Variants in CFAP20DC observed in about 807,000 individuals in gnomAD.
CFAP20DC encodes the protein CFAP20 domain containing.
CFAP20DC carries 84 observed loss-of-function variants against 101.7 expected under a neutral mutation model. The observed-to-expected ratio is 0.83, with a 90% confidence interval of 0.69 to 0.99. The LOEUF (loss-of-function observed/expected upper bound fraction) is 0.99, where lower values mean the gene tolerates loss of function less well. Ranked by LOEUF, CFAP20DC falls within the 50% of genes least tolerant of loss-of-function variation. CFAP20DC has a pLI of 0.00. For synonymous variants in CFAP20DC, 359 were observed against 351.2 expected (o/e 1.02, Z -0.25); for missense variants, 1,007 against 970.3 (o/e 1.04, Z -0.50).
At chr3:58,881,279 T>C (rs1176170732) in intron 7 of CFAP20DC, among the ~76,000 whole-genome samples, 1 of 152,134 alleles carries the variant, frequency 6.6e-6, no homozygotes, top group Non-Finnish European at 1.5e-5. Context: ...CTTGTAATTT[T>C]TAAGTAAGTT....
At position 58,937,679 on chromosome 3, in the gene CFAP20DC, T is replaced by G. The variant is rs779231705; in HGVS notation, c.362A>C (p.Lys121Thr). Residue 121 changes from lysine to threonine, a missense_variant, in exon 5 of 17, where the codon AAA becomes ACA. Physicochemically the swap from Lys to Thr is moderately conservative, Grantham distance 78. Coordinates refer to ENST00000482387, the MANE Select transcript of CFAP20DC (RefSeq NM_001394063.1). The stretch of plus-strand genomic sequence containing the variant: ...ACGTTTGATCATGAAGAGTGGAATT[T>G]TTGCATGAAGAGGGGTGGAGGATAG... ...KELSSTPLHA[K>T]IPLFMIKRKI... is the part of the protein sequence containing the mutation. The G allele has an allele frequency of 6.2e-7, 1 of 1,611,410 alleles. No homozygotes were observed. The highest frequency in any genetic ancestry group is 8.5e-7 in the Non-Finnish European group (1 of 1,177,610).
At chr3:58,936,402 G>T (rs78141102) in intron 5 of CFAP20DC, among the ~76,000 whole-genome samples, 1 of 152,174 alleles carries the variant, frequency 6.6e-6, no homozygotes, top group Non-Finnish European at 1.5e-5. Flanking sequence ...AATACCATTT[G>T]ACCCAGCCAT....
Position 58,759,940 on chromosome 3 carries a change from T to C in CFAP20DC, c.2238-6077A>G, listed in dbSNP as rs1031331483. ...CCATGCTGTTTTGGTTACTGTAGCC[T>C]TGTAGTATAGTTTGAAGTCAGGTAG... On this transcript the variant is annotated intron_variant, in intron 15 of 16. Coordinates refer to ENST00000482387, the MANE Select transcript of CFAP20DC (RefSeq NM_001394063.1). 2.0e-5 allele frequency among the ~76,000 whole-genome samples: 3 copies of C among 152,336 alleles called. No homozygotes were observed. The East Asian group carries it at 5.8e-4, about 29-fold the overall frequency.
chr3:58,862,798 A>T (rs1468654430), intron 12 of CFAP20DC: 26 of 984,110 alleles, frequency 2.6e-5, no homozygotes, highest in Non-Finnish European at 3.1e-5. Flanking sequence ...TTTAGAATAA[A>T]TTTTTCCAGA....
rs2093476702 is a variant in CFAP20DC at position 59,007,926 on chromosome 3, G to A, written c.278+31631C>T. On this transcript the variant is annotated intron_variant, in intron 4 of 16. Coordinates refer to ENST00000482387, the MANE Select transcript of CFAP20DC (RefSeq NM_001394063.1). The surrounding 1 kb of genome is among the most constrained non-coding windows in gnomAD (Gnocchi z 4.4). Reference sequence around the variant, plus strand: ...AGTTTCTCATAGCAGAGAAACAATTGCAATGTGGGGAGCAATAGGGAAAAT... The same window carrying A: ...AGTTTCTCATAGCAGAGAAACAATTACAATGTGGGGAGCAATAGGGAAAAT... Among the ~76,000 whole-genome samples, 1 of 152,164 alleles carries A rather than the reference G, an allele frequency of 6.6e-6. No homozygotes were observed. The highest frequency in any genetic ancestry group is 2.4e-5 in the African/African-American group (1 of 41,440).
At chr3:58,886,567 A>G (rs1203781439) in intron 6 of CFAP20DC, among the ~76,000 whole-genome samples, 3 of 151,978 alleles carry the variant, frequency 2.0e-5, no homozygotes, top group Admixed American at 2.0e-4. Context: ...CTTTAAAAAA[A>G]AAACAAAAAA....
chr3:58,890,736 C>T (rs1559776282), intron 6 of CFAP20DC, among the ~76,000 whole-genome samples: 1 of 150,508 alleles, frequency 6.6e-6, no homozygotes, highest in Non-Finnish European at 1.5e-5. Flanking sequence ...ACGCTCCTCA[C>T]CTCCCAGACG....
intron 5 of CFAP20DC, among the ~76,000 whole-genome samples, chr3:58,915,799 C>G (rs990969142): frequency 2.6e-5 from 4 of 152,038 alleles, no homozygotes; most frequent in Non-Finnish European, 5.9e-5. Flanking sequence ...GTCACCCTAC[C>G]CCTCATCTAA....
In CFAP20DC at chr3:58,819,820, C is replaced by T. The variant is rs548188933; in HGVS notation, c.2175+11866G>A. ...GGCCAGCATCATCCTGATACCAAAG[C>T]CGGGCAGAGACACAGCCAAAAAAGA... On this transcript the variant is annotated intron_variant, in intron 14 of 16. Transcript: ENST00000482387. Among the ~76,000 whole-genome samples the T allele has an allele frequency of 4.7e-4, 69 of 146,846 alleles. 2 individuals are homozygous for T. The highest frequency in any genetic ancestry group is 2.6e-3 in the South Asian group (12 of 4,558).
chr3:58,923,621 T>C (rs868076928), intron 5 of CFAP20DC, among the ~76,000 whole-genome samples: 10 of 152,218 alleles, frequency 6.6e-5, no homozygotes, highest in Admixed American at 5.2e-4. Flanking sequence ...TTCTGGCATA[T>C]AATGTATCTT....
intron 4 of CFAP20DC, among the ~76,000 whole-genome samples, chr3:59,013,416 T>C (rs910895374): frequency 9.2e-5 from 14 of 152,222 alleles, no homozygotes; most frequent in Non-Finnish European, 1.8e-4. Flanking sequence ...TAGGCTTAGA[T>C]ACATGTCTGC....
rs565033744 is a variant in CFAP20DC, at chr3:58,817,389, C to T, written c.2176-10933G>A. On this transcript the variant is annotated intron_variant, in intron 14 of 16. Transcript: ENST00000482387. The stretch of plus-strand genomic sequence containing the variant: ...CCAAAGGCAAAGAAGTTGAAAACTT[C>T]GAAAAAAATTTAGAAGAATGTATAA... Among the ~76,000 whole-genome samples the T allele has an allele frequency of 3.7e-3, 561 of 150,368 alleles. 3 individuals carry two copies. Among genetic ancestry groups the T allele is most frequent in the African/African-American group, 0.013 (523 of 40,796 alleles).
intron 5 of CFAP20DC, among the ~76,000 whole-genome samples, chr3:58,915,367 T>C (rs913900754): frequency 1.3e-5 from 2 of 152,180 alleles, no homozygotes; most frequent in Admixed American, 1.3e-4. Flanking sequence ...TTGGGGTTTC[T>C]AGATATCCAA....
chr3:58,951,854 A>T (rs1215051810), intron 4 of CFAP20DC, among the ~76,000 whole-genome samples: 1 of 152,146 alleles, frequency 6.6e-6, no homozygotes, highest in Non-Finnish European at 1.5e-5. Context: ...ACATGTATAC[A>T]TATGTAACAA....
At chr3:59,048,882 G>A (rs141516010) in intron 1 of CFAP20DC, among the ~76,000 whole-genome samples, 79 of 152,270 alleles carry the variant, frequency 5.2e-4, no homozygotes, top group African/African-American at 1.8e-3. Flanking sequence ...GTGAGGTGAG[G>A]AAAGCAGGTC....
intron 15 of CFAP20DC, among the ~76,000 whole-genome samples, chr3:58,805,463 C>G (rs571792793): frequency 6.6e-6 from 1 of 152,198 alleles, no homozygotes; most frequent in African/African-American, 2.4e-5. Context: ...CTCTTTCTCC[C>G]TATCTCTTTC....
At chr3:58,938,347 T>C (rs1441539575) in intron 4 of CFAP20DC, among the ~76,000 whole-genome samples, 1 of 152,184 alleles carries the variant, frequency 6.6e-6, no homozygotes, top group Non-Finnish European at 1.5e-5. Flanking sequence ...TGAACATCTT[T>C]AATAGATTTA....
chr3:58,771,635 A>AT (rs2070856858), intron 15 of CFAP20DC, among the ~76,000 whole-genome samples: 2 of 152,174 alleles, frequency 1.3e-5, no homozygotes, highest in African/African-American at 4.8e-5. Context: ...CAGGGCATAA[A>AT]TTTTCCCTGA....
Position 58,981,104 on chromosome 3 carries a change from C to A in CFAP20DC, c.279-43342G>T, listed in dbSNP as rs1368453816. On this transcript the variant is annotated intron_variant, in intron 4 of 16. Coordinates refer to ENST00000482387, the MANE Select transcript of CFAP20DC (RefSeq NM_001394063.1). ...CAAATCATGAGTGAACTCCCATTCACAATTGCTTCAAAGAGAATAAAACAC... is the reference window on the plus strand; with the variant it reads ...CAAATCATGAGTGAACTCCCATTCAAAATTGCTTCAAAGAGAATAAAACAC... Among the ~76,000 whole-genome samples the A allele has an allele frequency of 2.0e-5, 3 of 152,140 alleles. No individual in the cohort carries two copies. The East Asian group carries it at 5.8e-4, about 29-fold the overall frequency.
Sources: gnomAD v4.1 joint callset for allele counts (sites outside exome capture counted in the v4.1 genomes callset) on GRCh38, gnomAD v4.1.1 for gene constraint, Gnocchi (gnomAD v3.1) non-coding constraint, MANE v1.5 for transcripts, NCBI Gene and HGNC (gene_info 2026-07-23, HGNC 2026-07-21) for gene names.